The following PTPRF variants were observed in gnomAD, a reference collection of about 807,000 sequenced individuals.
PTPRF encodes the protein receptor-type tyrosine-protein phosphatase F.
Under a neutral mutation model 201.8 loss-of-function variants are expected in PTPRF, and 59 were observed. The ratio of observed to expected loss-of-function variants is 0.29; its 90% CI spans 0.24 to 0.36. The LOEUF (loss-of-function observed/expected upper bound fraction) is 0.36, where lower values mean the gene tolerates loss of function less well. Ranked by LOEUF, PTPRF falls within the 10% of genes least tolerant of loss-of-function variation. The pLI is 1.00. For synonymous variants in PTPRF, 1,088 were observed against 1,089.7 expected (o/e 1.00, Z 0.03); for missense variants, 2,132 against 2,690.5 (o/e 0.79, Z 4.59).
intron 22 of PTPRF, chr1:43,613,340 C>A: frequency 2.4e-6 from 1 of 410,440 alleles, no homozygotes; most frequent in Non-Finnish European, 4.6e-6. Flanking sequence ...GGAAGCCTCT[C>A]TTCCATCTTG....
In PTPRF at chr1:43,620,996, G is replaced by A. The variant is rs1659076770; in HGVS notation, c.5519+4G>A. The A allele has an allele frequency of 6.2e-7, 1 of 1,612,514 alleles. No individual in the cohort carries two copies. Among genetic ancestry groups the A allele is most frequent in the Non-Finnish European group, 8.5e-7 (1 of 1,179,028 alleles). On this transcript the variant is annotated splice_donor_region_variant and intron_variant, in intron 32 of 33. Transcript: ENST00000359947. ...GGCCTATCACGGTGCACTGCAGGTG[G>A]GACTGGCCCCCTGGAGGGCTGGGGT... is the stretch of plus-strand genomic sequence containing the variant.
upstream of PTPRF, among the ~76,000 whole-genome samples, chr1:43,525,902 G>A (rs751747792): frequency 6.6e-6 from 1 of 151,446 alleles, no homozygotes; most frequent in Non-Finnish European, 1.5e-5. Flanking sequence ...GAGGAATAGA[G>A]GCGTCCTGTA....
chr1:43,610,738 C>T (rs957106319), intron 22 of PTPRF, among the ~76,000 whole-genome samples: 2 of 152,094 alleles, frequency 1.3e-5, no homozygotes, highest in Admixed American at 1.3e-4. Context: ...GGTGTGTGGC[C>T]CCTGTCATCC....
intron 19 of PTPRF, 111 bp from the exon 20 acceptor site, chr1:43,606,129 C>T (rs866892523): frequency 2.2e-4 from 266 of 1,237,052 alleles, no homozygotes; most frequent in Middle Eastern, 2.0e-3. Context: ...GGCTCTGACA[C>T]GGAAGGTGAG....
rs889917922 is a variant in PTPRF, at chr1:43,603,102, T to C, written c.2341-314T>C. 2.0e-5 allele frequency among the ~76,000 whole-genome samples: 3 copies of C among 152,180 alleles called. No homozygotes were observed. The highest frequency in any genetic ancestry group is 4.4e-5 in the Non-Finnish European group (3 of 68,012). On this transcript the variant is annotated intron_variant, in intron 14 of 33. Coordinates refer to ENST00000359947, the MANE Select transcript of PTPRF (RefSeq NM_002840.5). The surrounding 1 kb of genome is among the most constrained non-coding windows in gnomAD (Gnocchi z 5.8). ...TGGGTGCGTGCGAGGCTGTGCCCTG[T>C]TGATATCCTCAGTCTCCGTTCACAG...
intron 29 of PTPRF, 82 bp from the exon 30 acceptor site, chr1:43,620,013 G>A (rs1658803117): frequency 6.3e-7 from 1 of 1,590,988 alleles, no homozygotes; most frequent in Non-Finnish European, 8.6e-7. Flanking sequence ...ATCTGAGCAG[G>A]GCCCCAAGGG....
intron 31 of PTPRF, 113 bp from the exon 32 acceptor site, chr1:43,620,725 C>A: frequency 6.6e-7 from 1 of 1,521,750 alleles, no homozygotes. Context: ...CCTGTGGCCT[C>A]GGGTGCAGTG....
chr1:43,565,348 G>A (rs1490642284), intron 5 of PTPRF, among the ~76,000 whole-genome samples: 3 of 152,218 alleles, frequency 2.0e-5, no homozygotes, highest in Non-Finnish European at 4.4e-5. Flanking sequence ...CACGGAAGGG[G>A]ACAGGTCTCC....
At chr1:43,557,825 C>T (rs1030333130) in intron 5 of PTPRF, among the ~76,000 whole-genome samples, 2 of 152,140 alleles carry the variant, frequency 1.3e-5, no homozygotes, top group East Asian at 1.9e-4. Context: ...TGAGCCCCTC[C>T]TGCTTCTGAA....
chr1:43,555,145 C>T (rs1007757005), intron 5 of PTPRF, among the ~76,000 whole-genome samples: 10 of 152,052 alleles, frequency 6.6e-5, no homozygotes, highest in Non-Finnish European at 1.0e-4. Flanking sequence ...AGCCACCGCA[C>T]CCGGGCCGAT....
chr1:43,599,182 TCTC>T (rs1365586821), intron 13 of PTPRF, among the ~76,000 whole-genome samples: 2 of 152,070 alleles, frequency 1.3e-5, no homozygotes, highest in Non-Finnish European at 2.9e-5. Flanking sequence ...TTCAAGCAAT[TCTC>T]CTTCCTCAGC....
rs751089120 is a variant in PTPRF, at chr1:43,603,757, G to A, written c.2605G>A (p.Asp869Asn). 1 of 1,613,882 alleles carries A rather than the reference G, an allele frequency of 6.2e-7. No individual in the cohort carries two copies. Among genetic ancestry groups the A allele is most frequent in the African/African-American group, 1.3e-5 (1 of 74,952 alleles). The change falls in exon 16 of 34, where the codon GAT becomes AAT. Residue 869 changes from aspartate to asparagine, a missense_variant. Physicochemically the swap from Asp to Asn is conservative, Grantham distance 23 (BLOSUM62 1). Transcript: ENST00000359947. The surrounding 1 kb of genome is among the most constrained non-coding windows in gnomAD (Gnocchi z 5.8). ...CGACGAGGCGCGGCCCAACACCATA[G>A]ATTTCGGCAAGGATGACCAGCACTT... is the stretch of plus-strand genomic sequence containing the variant. ...RADEARPNTI[D>N]FGKDDQHFTV...
At chr1:43,559,431 AGT>A (rs990454286) in intron 5 of PTPRF, among the ~76,000 whole-genome samples, 1 of 152,118 alleles carries the variant, frequency 6.6e-6, no homozygotes, top group African/African-American at 2.4e-5. Flanking sequence ...TGCATCAGGC[AGT>A]GTGTGGGCAG....
At chr1:43,598,985 C>A (rs1653076416) in intron 13 of PTPRF, 72 bp downstream of exon 13, 7 of 1,494,634 alleles carry the variant, frequency 4.7e-6, no homozygotes, top group Non-Finnish European at 6.4e-6. Flanking sequence ...TTTTGGGGCC[C>A]AGATATGTCC....
Position 43,612,637 on chromosome 1 carries a change from C to CCGCCAGCCCCT in PTPRF, c.3974-977_3974-967dup. ...GCCCCTCACCGCCCCCTCCTCTTCTCCGCCAGCCCCTCGCAAGCCCGCTCG... is the reference window on the plus strand; with the variant it reads ...GCCCCTCACCGCCCCCTCCTCTTCTCCGCCAGCCCCTCGCCAGCCCCTCGCAAGCCCGCTCG... On this transcript the variant is annotated intron_variant, in intron 22 of 33. Coordinates refer to ENST00000359947, the MANE Select transcript of PTPRF (RefSeq NM_002840.5). The CCGCCAGCCCCT allele has an allele frequency of 4.3e-6, 3 of 705,852 alleles. No homozygotes were observed. In the Admixed American group the frequency reaches 7.7e-5, roughly 18 times the overall value. The allele number at this position is 705,852 out of a possible 1,614,324, so 43.7% of individuals were successfully genotyped here.
At chr1:43,572,674 C>G (rs1015480947) in intron 6 of PTPRF, among the ~76,000 whole-genome samples, 1 of 152,210 alleles carries the variant, frequency 6.6e-6, no homozygotes, top group African/African-American at 2.4e-5. Context: ...TTACCGGGAC[C>G]TTTACGGTTT....
chr1:43,619,138 G>A lies in PTPRF; in HGVS notation c.4582G>A (p.Ala1528Thr). 5 of 1,612,800 alleles carry A rather than the reference G, an allele frequency of 3.1e-6. No homozygotes were observed. The highest frequency in any genetic ancestry group is 4.2e-6 in the Non-Finnish European group (5 of 1,179,512). Reference sequence around the variant, plus strand: ...TCCTGAGTACCCAACTCCCATCCTGGCCTTCCTACGACGGGTCAAGGCCTG... The same window carrying A: ...TCCTGAGTACCCAACTCCCATCCTGACCTTCCTACGACGGGTCAAGGCCTG... Reference protein sequence around the residue: ...GVPEYPTPILAFLRRVKACNP... With the variant: ...GVPEYPTPILTFLRRVKACNP... The change falls in exon 27 of 34, where the codon GCC becomes ACC. Residue 1528 changes from alanine (A) to threonine (T), a missense_variant. By Grantham distance (58) the Ala-to-Thr change is moderately conservative. Coordinates refer to ENST00000359947, the MANE Select transcript of PTPRF (RefSeq NM_002840.5).
At chr1:43,535,289 G>A (rs1276343872) in intron 1 of PTPRF, among the ~76,000 whole-genome samples, 1 of 152,152 alleles carries the variant, frequency 6.6e-6, no homozygotes, top group Admixed American at 6.5e-5. Flanking sequence ...GAGGCCTGCA[G>A]AAGAGACTCC....
intron 22 of PTPRF, 37 bp from the exon 23 acceptor site, chr1:43,613,581 A>C (rs529865000): frequency 6.5e-7 from 1 of 1,536,130 alleles, no homozygotes; most frequent in African/African-American, 1.4e-5. Flanking sequence ...CTCAAGCCTC[A>C]CACTAATGCT....
Sources: gnomAD v4.1 joint callset for allele counts (sites outside exome capture counted in the v4.1 genomes callset) on GRCh38, gnomAD v4.1.1 for gene constraint, Gnocchi (gnomAD v3.1) non-coding constraint, MANE v1.5 for transcripts, NCBI Gene and HGNC (gene_info 2026-07-23, HGNC 2026-07-21) for gene names.